The following ANXA8 variants were observed in gnomAD, a reference collection of about 807,000 sequenced individuals.
ANXA8 encodes VAC-beta.
ANXA8 carries 9 observed loss-of-function variants against 26.8 expected under a neutral mutation model. The observed-to-expected ratio is 0.34, with a 90% CI of 0.20 to 0.59. ANXA8 has a LOEUF of 0.59. ANXA8 is among the 20% of genes least tolerant of loss of function. The pLI, the probability that ANXA8 is intolerant of heterozygous loss-of-function variation, is 0.84. For synonymous variants in ANXA8, 39 were observed against 94.8 expected, an observed-to-expected ratio of 0.41 and a Z score of 3.42; for missense variants, 83 against 238.5, an observed-to-expected ratio of 0.35 and a Z score of 4.29.
At chr10:47,688,621 CA>C in the ANXA8 span, among the ~76,000 whole-genome samples, 1 of 151,076 alleles carries the variant, frequency 6.6e-6, no homozygotes, top group African/African-American at 2.4e-5. Context: ...GGGGTTTTGC[CA>C]TCTTGGCCTG....
At chr10:47,941,278 T>G in the ANXA8 span, among the ~76,000 whole-genome samples, 1 of 146,476 alleles carries the variant, frequency 6.8e-6, no homozygotes, top group Non-Finnish European at 1.5e-5. Context: ...GACCAGTACC[T>G]AGAACCACCT....
the ANXA8 span, among the ~76,000 whole-genome samples, chr10:47,496,971 G>C: frequency 6.9e-6 from 1 of 144,872 alleles, no homozygotes; most frequent in Non-Finnish European, 1.5e-5. Flanking sequence ...TAGGGGGAAA[G>C]ATCTTAGGAG....
At chr10:47,974,431 C>A in the ANXA8 span, among the ~76,000 whole-genome samples, 1 of 147,592 alleles carries the variant, frequency 6.8e-6, no homozygotes, top group African/African-American at 2.5e-5. Flanking sequence ...TTATTTTCTT[C>A]TGCTAGCTTT....
At chr10:47,920,546 G>A in the ANXA8 span, among the ~76,000 whole-genome samples, 1 of 121,668 alleles carries the variant, frequency 8.2e-6, no homozygotes, top group African/African-American at 3.2e-5. Context: ...ATTTTACTGA[G>A]CTCTGGTTGA....
chr10:47,577,195 A>C, the ANXA8 span, among the ~76,000 whole-genome samples: 109,683 of 142,204 alleles, frequency 0.77, 41,853 homozygotes, highest in Non-Finnish European at 0.82. Context: ...ATTGCACTCC[A>C]GCCTGGGCGA....
At chr10:47,481,566 G>A (rs1233131136) in intron 1 of ANXA8, among the ~76,000 whole-genome samples, 2 of 151,244 alleles carry the variant, frequency 1.3e-5, no homozygotes, top group African/African-American at 2.4e-5. Context: ...CCCAGCACTC[G>A]GGGGCTGTGG....
the ANXA8 span, chr10:47,706,736 A>G: frequency 4.8e-6 from 7 of 1,466,542 alleles, 1 homozygote; most frequent in African/African-American, 1.4e-5. Flanking sequence ...TCACAAGGCA[A>G]GTCTTCATGC....
At chr10:47,733,219 T>TTCTCTCTCTCTC in the ANXA8 span, among the ~76,000 whole-genome samples, 103 of 67,786 alleles carry the variant, frequency 1.5e-3, 1 homozygote, top group Middle Eastern at 7.5e-3. Flanking sequence ...CTTTCTTTCT[T>TTCTCTCTCTCTC]TCTCTTTCTT....
At chr10:47,769,701 C>T in the ANXA8 span, among the ~76,000 whole-genome samples, 2 of 152,296 alleles carry the variant, frequency 1.3e-5, no homozygotes, top group Non-Finnish European at 2.9e-5. Flanking sequence ...GTTAAAAGTG[C>T]TGAGCCTGTG....
the ANXA8 span, among the ~76,000 whole-genome samples, chr10:47,501,190 C>G: frequency 4.3e-5 from 6 of 139,926 alleles, 1 homozygote; most frequent in Admixed American, 4.4e-4. Flanking sequence ...GTGTGAGCCA[C>G]CACGCCTGGC....
the ANXA8 span, chr10:47,581,332 C>T: frequency 6.4e-6 from 3 of 467,962 alleles, no homozygotes; most frequent in Non-Finnish European, 8.3e-6. Flanking sequence ...GAAAACCATT[C>T]ATCACCTGCC....
At chr10:47,483,712 G>T (rs1355505950) in intron 1 of ANXA8, among the ~76,000 whole-genome samples, 2 of 147,380 alleles carry the variant, frequency 1.4e-5, no homozygotes, top group African/African-American at 2.6e-5. Context: ...CCCGGCCCAG[G>T]TCCCATCCCT....
chr10:47,615,090 G>A, the ANXA8 span, among the ~76,000 whole-genome samples: 1 of 71,950 alleles, frequency 1.4e-5, no homozygotes, highest in Non-Finnish European at 3.5e-5. Context: ...GCAATACTGT[G>A]TTTTAGTTTC....
chr10:47,667,744 T>C, the ANXA8 span, among the ~76,000 whole-genome samples: 1 of 151,696 alleles, frequency 6.6e-6, no homozygotes, highest in African/African-American at 2.4e-5. Flanking sequence ...TTTTGTTTTG[T>C]TTTGTTTTTT....
At position 47,484,072 on chromosome 10, in the gene ANXA8, G is replaced by C. The variant is rs1415611038; in HGVS notation, c.-139C>G. 5 of 1,605,536 alleles carry C rather than the reference G, an allele frequency of 3.1e-6. No individual in the cohort carries two copies. The Admixed American group carries it at 8.4e-5, about 27-fold the overall frequency. On this transcript the variant is annotated 5_prime_UTR_variant, in exon 1 of 12. Coordinates refer to ENST00000585281, the MANE Select transcript of ANXA8 (RefSeq NM_001040084.3). ...GGGTGTGGGGGTGCAAGCCCGCCCA[G>C]GGCAGCGCCACACCTGCCTGCCGTC...
chr10:47,623,079 A>G, the ANXA8 span, among the ~76,000 whole-genome samples: 1 of 111,428 alleles, frequency 9.0e-6, no homozygotes, highest in East Asian at 2.2e-4. Flanking sequence ...ATGCTATGAA[A>G]GTGTATGTAA....
chr10:47,748,043 G>A, the ANXA8 span, among the ~76,000 whole-genome samples: 2 of 152,204 alleles, frequency 1.3e-5, no homozygotes, highest in Admixed American at 6.5e-5. Context: ...GGGAAGTGGT[G>A]AACAGGCCTA....
In ANXA8 at chr10:47,476,307, C is replaced by T; in HGVS notation, c.337G>A (p.Glu113Lys). 1 of 455,872 alleles carries T rather than the reference C, an allele frequency of 2.2e-6. No individual in the cohort carries two copies. The highest frequency in any genetic ancestry group is 3.3e-6 in the Non-Finnish European group (1 of 302,224). 28.2% of individuals were successfully genotyped at this position (455,872 alleles called of 1,614,324 possible). The change falls in exon 5 of 12, where the codon GAG (glutamate) becomes AAG (lysine). Residue 113 changes from glutamate (E) to lysine (K), a missense_variant. Glu to Lys is a moderately conservative substitution (Grantham distance 56, BLOSUM62 1). Around this residue, in one of 6 missense-constraint regions of ANXA8, gnomAD observed 16 missense variants for 16.3 expected, o/e 0.98. Coordinates refer to ENST00000585281, the MANE Select transcript of ANXA8 (RefSeq NM_001040084.3). ...HDAMKGLGTKEGVIIEILASR... is the reference protein window; with the variant it reads ...HDAMKGLGTKKGVIIEILASR... ...GCCAGGATCTCAATGATGACACCCT[C>T]CTTGGTTCCTAAGCCCTGTGGACAG...
At chr10:47,475,132 C>A in intron 6 of ANXA8, 128 bp from the exon 7 acceptor site, 2 of 1,398,304 alleles carry the variant, frequency 1.4e-6, no homozygotes. Flanking sequence ...CTTCGACAAG[C>A]CAGTTATTCT....
Sources: allele counts gnomAD v4.1 joint callset (sites outside exome capture counted in the v4.1 genomes callset), GRCh38; gene constraint gnomAD v4.1.1; regional missense constraint gnomAD v4.1.1; transcripts MANE v1.5; gene names NCBI Gene and HGNC (gene_info 2026-07-23, HGNC 2026-07-21).